The following OCIAD1 variants were observed in gnomAD, a reference collection of about 807,000 sequenced individuals.
OCIAD1 encodes the protein OCIA domain-containing protein 1.
Under a neutral mutation model 38.9 loss-of-function variants are expected in OCIAD1, and 29 were observed. The ratio of observed to expected loss-of-function variants is 0.74; its 90% CI spans 0.55 to 1.02. The LOEUF (loss-of-function observed/expected upper bound fraction) is 1.02, where lower values mean the gene tolerates loss of function less well. Among genes scored for constraint, OCIAD1 ranks in the 50% least tolerant of loss-of-function variants. OCIAD1 has a pLI of 0.00. For synonymous variants in OCIAD1, 110 were observed against 92.0 expected (o/e 1.20, Z -1.12); for missense variants, 288 against 289.6 (o/e 0.99, Z 0.04).
intron 1 of OCIAD1, among the ~76,000 whole-genome samples, chr4:48,808,716 C>T (rs1413001511): frequency 2.0e-5 from 3 of 152,174 alleles, no homozygotes; most frequent in African/African-American, 7.2e-5. Flanking sequence ...GCCTCCAGAA[C>T]TATATGATAT....
intron 2 of OCIAD1, 132 bp from the exon 3 acceptor site, chr4:48,833,269 G>T (rs978221154): frequency 1.1e-5 from 7 of 617,332 alleles, no homozygotes; most frequent in Non-Finnish European, 2.0e-5. Flanking sequence ...CAAAAAAAGT[G>T]CATAAGCCAG....
In OCIAD1 at chr4:48,851,838, G is replaced by C. The variant is rs569217228; in HGVS notation, c.410G>C (p.Ser137Thr). 4 of 1,612,680 alleles carry C rather than the reference G, an allele frequency of 2.5e-6. No homozygotes were observed. Among genetic ancestry groups the C allele is most frequent in the Non-Finnish European group, 3.4e-6 (4 of 1,179,072 alleles). The change falls in exon 7 of 9, where the codon AGT becomes ACT. Residue 137 changes from serine (S) to threonine (T), a missense_variant. Coordinates refer to ENST00000264312, the MANE Select transcript of OCIAD1 (RefSeq NM_017830.4). ...TATCAAAAGTCAAAATATGACTCAA[G>C]TGTGAGTGGTCAATCATCTTTTGTG... ...HYYQKSKYDS[S>T]VSGQSSFVTS...
At chr4:48,853,527 A>C (rs1319323107) in intron 7 of OCIAD1, among the ~76,000 whole-genome samples, 1 of 152,198 alleles carries the variant, frequency 6.6e-6, no homozygotes, top group Non-Finnish European at 1.5e-5. Flanking sequence ...ATTAGAGGGA[A>C]AGAAGTTAAA....
At chr4:48,843,757 A>G (rs1213052359) in intron 4 of OCIAD1, among the ~76,000 whole-genome samples, 1 of 152,180 alleles carries the variant, frequency 6.6e-6, no homozygotes, top group Non-Finnish European at 1.5e-5. Context: ...CTTGAATTAC[A>G]TTCTTTGTAG....
intron 4 of OCIAD1, among the ~76,000 whole-genome samples, chr4:48,844,052 G>A (rs1161161870): frequency 2.0e-5 from 3 of 152,166 alleles, no homozygotes; most frequent in African/African-American, 7.2e-5. Context: ...TAGGGCTGTT[G>A]TAATCAAGGA....
At chr4:48,809,933 T>C (rs1248631564) in intron 1 of OCIAD1, among the ~76,000 whole-genome samples, 2 of 152,218 alleles carry the variant, frequency 1.3e-5, no homozygotes, top group Admixed American at 6.5e-5. Context: ...TCAGACCGTA[T>C]GGATTTGAAT....
At chr4:48,860,260 A>G (rs1485087215) in intron 8 of OCIAD1, 1 of 153,058 alleles carries the variant, frequency 6.5e-6, no homozygotes, top group African/African-American at 2.4e-5. Flanking sequence ...CTACTGCTGT[A>G]TTTTTTGTGA....
chr4:48,833,111 C>T (rs536019548), intron 2 of OCIAD1, among the ~76,000 whole-genome samples: 5 of 151,992 alleles, frequency 3.3e-5, no homozygotes, highest in African/African-American at 7.2e-5. Flanking sequence ...ATTAGCCTGG[C>T]GTGGTGATGG....
At position 48,861,049 on chromosome 4, in the gene OCIAD1, C is replaced by T. The variant is rs547046387; in HGVS notation, c.*287C>T. On this transcript the variant is annotated 3_prime_UTR_variant, in exon 9 of 9. Coordinates refer to ENST00000264312, the MANE Select transcript of OCIAD1 (RefSeq NM_017830.4). ...AGGGCAAAGATAACTCTTAAAAAAC[C>T]GTCGAGATTACAATGCTCTAGAATC... 2.8e-5 allele frequency: 9 copies of T among 324,330 alleles called. No individual in the cohort carries two copies. Among genetic ancestry groups the T allele is most frequent in the South Asian group, 1.0e-4 (1 of 9,636 alleles). 20.1% of individuals were successfully genotyped at this position (324,330 alleles called of 1,614,324 possible).
rs1169205151 is a variant in OCIAD1, at chr4:48,861,656, A to T, written c.*894A>T. The T allele has an allele frequency of 2.0e-5, 3 of 152,252 alleles. No individual in the cohort carries two copies. Among genetic ancestry groups the T allele is most frequent in the Non-Finnish European group, 4.4e-5 (3 of 68,052 alleles). The allele number at this position is 152,252 out of a possible 1,614,324, so 9.4% of individuals were successfully genotyped here. A position where few individuals can be genotyped will look rare whatever the true frequency, so the allele number is the denominator to read the frequency against. On this transcript the variant is annotated 3_prime_UTR_variant, in exon 9 of 9. Coordinates refer to ENST00000264312, the MANE Select transcript of OCIAD1 (RefSeq NM_017830.4). ...AGCTGTGGTCACACCACTGAACTCC[A>T]GCCTGTGCGACTGAGTGAGACCCTG...
chr4:48,816,085 T>C (rs1777139415), intron 1 of OCIAD1, among the ~76,000 whole-genome samples: 1 of 152,248 alleles, frequency 6.6e-6, no homozygotes, highest in Non-Finnish European at 1.5e-5. Context: ...TGGCCTGTAT[T>C]CTATAACTTT....
At chr4:48,832,885 C>A (rs1278009780) in intron 2 of OCIAD1, 1 of 557,436 alleles carries the variant, frequency 1.8e-6, no homozygotes, top group East Asian at 3.0e-5. Context: ...TGCACTGGGC[C>A]CAGCACATTA....
chr4:48,808,281 C>G (rs1777048613), intron 1 of OCIAD1, among the ~76,000 whole-genome samples: 1 of 151,994 alleles, frequency 6.6e-6, no homozygotes, highest in African/African-American at 2.4e-5. Context: ...CAGACTGGAC[C>G]AGGTGGTGAA....
At chr4:48,840,625 A>G (rs1778426333) in intron 3 of OCIAD1, among the ~76,000 whole-genome samples, 1 of 152,228 alleles carries the variant, frequency 6.6e-6, no homozygotes, top group South Asian at 2.1e-4. Flanking sequence ...TATATGGTTT[A>G]GACCAGAGTT....
intron 3 of OCIAD1, among the ~76,000 whole-genome samples, chr4:48,835,425 A>G (rs1579056198): frequency 6.6e-6 from 1 of 152,236 alleles, no homozygotes; most frequent in Non-Finnish European, 1.5e-5. Context: ...TCAATTTGGT[A>G]AAAACTGAAG....
At chr4:48,809,117 A>C (rs1777060326) in intron 1 of OCIAD1, among the ~76,000 whole-genome samples, 1 of 152,072 alleles carries the variant, frequency 6.6e-6, no homozygotes, top group Non-Finnish European at 1.5e-5. Context: ...CTTTCCTTTA[A>C]TTTAATCTGT....
intron 3 of OCIAD1, among the ~76,000 whole-genome samples, chr4:48,834,202 G>T (rs756883909): frequency 1.3e-5 from 2 of 151,966 alleles, no homozygotes; most frequent in Admixed American, 1.3e-4. Context: ...ATGGAGCTTC[G>T]CTCTTGTTGC....
At chr4:48,806,945 C>A (rs1444336087) in intron 1 of OCIAD1, among the ~76,000 whole-genome samples, 1 of 152,034 alleles carries the variant, frequency 6.6e-6, no homozygotes, top group Non-Finnish European at 1.5e-5. Flanking sequence ...ACTCTGTTGC[C>A]CAGGCTGCAG....
chr4:48,846,489 C>T (rs566620336), intron 4 of OCIAD1, among the ~76,000 whole-genome samples: 6 of 152,128 alleles, frequency 3.9e-5, no homozygotes, highest in East Asian at 3.9e-4. Context: ...TGGCTCATGC[C>T]GGTAATCCCA....
Sources: allele counts gnomAD v4.1 joint callset (sites outside exome capture counted in the v4.1 genomes callset), GRCh38; gene constraint gnomAD v4.1.1; transcripts MANE v1.5; gene names NCBI Gene and HGNC (gene_info 2026-07-23, HGNC 2026-07-21).